Variants in SMURF2 observed in about 807,000 individuals in gnomAD.
The protein encoded by SMURF2 is SMAD specific E3 ubiquitin protein ligase 2, also known as E3 ubiquitin-protein ligase SMURF2.
In SMURF2, 48 loss-of-function variants were observed where a neutral mutation model predicts 109.6. The ratio of observed to expected loss-of-function variants is 0.44; its 90% CI spans 0.35 to 0.56. The LOEUF is 0.56. SMURF2 is among the 20% of genes least tolerant of loss of function. SMURF2 has a pLI of 0.01. For synonymous variants in SMURF2, 288 were observed against 317.1 expected (o/e 0.91, Z 0.97); for missense variants, 575 against 909.0 (o/e 0.63, Z 4.72).
Position 64,555,875 on chromosome 17 carries a change from A to G in SMURF2, c.1555T>C (p.Leu519=). ...GGATCTACTAACTCCATGTCATCCA[A>G]GGTAATTGACTTCCCAAGCAATTGC... ...YKQLLGKSIT[L]DDMELVDPDL... The change falls in exon 14 of 19, where the codon TTG becomes CTG. Residue 519 remains leucine, a synonymous_variant. Transcript: ENST00000262435. 6.2e-7 allele frequency: 1 copy of G among 1,613,718 alleles called. No individual in the cohort carries two copies. The highest frequency in any genetic ancestry group is 1.3e-5 in the African/African-American group (1 of 75,026).
In SMURF2 at chr17:64,543,245, C is replaced by T. The variant is rs1487236474; in HGVS notation, c.*2603G>A. 3 of 150,892 alleles carry T rather than the reference C, an allele frequency of 2.0e-5. No individual in the cohort carries two copies. The allele number at this position is 150,892 out of a possible 1,614,324, so 9.3% of individuals were successfully genotyped here. A position where few individuals can be genotyped will look rare whatever the true frequency, so the allele number is the denominator to read the frequency against. On this transcript the variant is annotated 3_prime_UTR_variant, in exon 19 of 19. Coordinates refer to ENST00000262435, the MANE Select transcript of SMURF2 (RefSeq NM_022739.4). ...ATGTTTTTATATATGTTGGTGATAACATAGACTGTTATGGAGAGTAATTTC... is the reference window on the plus strand; with the variant it reads ...ATGTTTTTATATATGTTGGTGATAATATAGACTGTTATGGAGAGTAATTTC...
At chr17:64,612,610 G>A (rs1434597220) in intron 1 of SMURF2, among the ~76,000 whole-genome samples, 8 of 152,038 alleles carry the variant, frequency 5.3e-5, no homozygotes, top group Non-Finnish European at 1.2e-4. Flanking sequence ...GAAGGCAGAG[G>A]TTGCAGTTAG....
intron 2 of SMURF2, 125 bp from the exon 3 acceptor site, chr17:64,598,615 A>G: frequency 1.5e-6 from 1 of 669,508 alleles, no homozygotes; most frequent in African/African-American, 1.9e-5. Context: ...TTTAGCTATA[A>G]ATGAATAGTC....
chr17:64,582,150 G>A (rs1303987779), intron 7 of SMURF2, among the ~76,000 whole-genome samples: 1 of 152,064 alleles, frequency 6.6e-6, no homozygotes, highest in Non-Finnish European at 1.5e-5. Flanking sequence ...AAATTCCTTG[G>A]CAGTTTAATA....
chr17:64,566,565 T>TTTTTG (rs1969309378), intron 10 of SMURF2, among the ~76,000 whole-genome samples: 1 of 47,814 alleles, frequency 2.1e-5, no homozygotes, highest in African/African-American at 8.1e-5. Context: ...TTTCTGGTTT[T>TTTTTG]TTTTTTTTTT....
At chr17:64,602,996 C>T (rs1555688727) in intron 2 of SMURF2, among the ~76,000 whole-genome samples, 1 of 151,694 alleles carries the variant, frequency 6.6e-6, no homozygotes, top group East Asian at 1.9e-4. Context: ...ATAGCTAAAG[C>T]TCAAAAACCT....
chr17:64,568,916 C>T (rs1485595779), intron 10 of SMURF2, among the ~76,000 whole-genome samples: 2 of 151,772 alleles, frequency 1.3e-5, no homozygotes, highest in African/African-American at 4.8e-5. Context: ...GCAGGAGAAT[C>T]GCTTGAACCC....
intron 1 of SMURF2, among the ~76,000 whole-genome samples, chr17:64,609,691 A>T (rs1436557105): frequency 7.8e-6 from 1 of 128,442 alleles, no homozygotes; most frequent in Non-Finnish European, 1.5e-5. Flanking sequence ...CCTAGGCAAT[A>T]CCATTCAGGA....
chr17:64,654,316 G>C (rs1023779486), intron 1 of SMURF2, among the ~76,000 whole-genome samples: 5 of 152,092 alleles, frequency 3.3e-5, no homozygotes, highest in African/African-American at 1.2e-4. Context: ...ATCAAATGTG[G>C]TTTTAAAAAA....
At chr17:64,628,699 A>C (rs1460338958) in intron 1 of SMURF2, among the ~76,000 whole-genome samples, 1 of 152,184 alleles carries the variant, frequency 6.6e-6, no homozygotes, top group African/African-American at 2.4e-5. Flanking sequence ...CAATAACTCA[A>C]AATTAACTTC....
At chr17:64,557,216 T>G (rs970220118) in intron 13 of SMURF2, among the ~76,000 whole-genome samples, 14 of 152,210 alleles carry the variant, frequency 9.2e-5, no homozygotes, top group Admixed American at 9.2e-4. Context: ...TTATTAGCAA[T>G]GACAAAACTG....
At chr17:64,648,353 C>A (rs1226476532) in intron 1 of SMURF2, among the ~76,000 whole-genome samples, 2 of 152,094 alleles carry the variant, frequency 1.3e-5, no homozygotes, top group Non-Finnish European at 2.9e-5. Context: ...AGTCCTATAT[C>A]TTTATAACTT....
In SMURF2 at chr17:64,562,848, A is replaced by C. The variant is rs1489247832; in HGVS notation, c.1135T>G (p.Leu379Val). The part of the protein sequence containing the change: ...KRDLVQKLKI[L>V]RQELSQQQPQ... ...TGTTGTTGGGAAAGTTCTTGCCGCAAAATTTTTAGTTTCTGAACCAGGTCT... is the reference window on the plus strand; with the variant it reads ...TGTTGTTGGGAAAGTTCTTGCCGCACAATTTTTAGTTTCTGAACCAGGTCT... Residue 379 changes from leucine (L) to valine (V), a missense_variant, in exon 11 of 19, where the codon TTG becomes GTG. Leu to Val is a conservative substitution (Grantham distance 32). This residue lies in a region of SMURF2 where 361 missense variants were observed against 612.1 expected (regional missense o/e 0.59). Coordinates refer to ENST00000262435, the MANE Select transcript of SMURF2 (RefSeq NM_022739.4). 6.2e-7 allele frequency: 1 copy of C among 1,614,002 alleles called. No homozygotes were observed. The highest frequency in any genetic ancestry group is 8.5e-7 in the Non-Finnish European group (1 of 1,180,024).
At chr17:64,628,192 A>T (rs1555691314) in intron 1 of SMURF2, among the ~76,000 whole-genome samples, 1 of 152,082 alleles carries the variant, frequency 6.6e-6, no homozygotes, top group African/African-American at 2.4e-5. Flanking sequence ...AGACATGGAG[A>T]GGAAATTTGG....
intron 1 of SMURF2, among the ~76,000 whole-genome samples, chr17:64,620,387 T>G (rs782422463): frequency 2.6e-5 from 4 of 152,212 alleles, no homozygotes; most frequent in Non-Finnish European, 4.4e-5. Flanking sequence ...GCATTGTGAA[T>G]TCAGGCTCCA....
chr17:64,600,786 T>C lies in SMURF2; in HGVS notation c.92-2296A>G, dbSNP rs1969883711. Among the ~76,000 whole-genome samples, 3 of 152,206 alleles carry C rather than the reference T, an allele frequency of 2.0e-5. No individual in the cohort carries two copies. In the South Asian group the frequency reaches 6.2e-4, roughly 31 times the overall value. ...ATTTCCTCCTGGGAAGAATTCACTC[T>C]ATCTTGTTATTTTCACTCTACTATT... On this transcript the variant is annotated intron_variant, in intron 2 of 18. Coordinates refer to ENST00000262435, the MANE Select transcript of SMURF2 (RefSeq NM_022739.4).
At chr17:64,631,330 GAGAGAGAGAGAC>G (rs1555691577) in intron 1 of SMURF2, among the ~76,000 whole-genome samples, 4 of 141,264 alleles carry the variant, frequency 2.8e-5, no homozygotes, top group African/African-American at 8.2e-5. Flanking sequence ...GAGAGAGACA[GAGAGAGAGAGAC>G]AGAGAGATGA....
intron 12 of SMURF2, among the ~76,000 whole-genome samples, chr17:64,560,026 A>C (rs1339892369): frequency 6.6e-6 from 1 of 151,376 alleles, no homozygotes; most frequent in Non-Finnish European, 1.5e-5. Flanking sequence ...TGCTGGGATT[A>C]CAGGTGTGAG....
intron 9 of SMURF2, among the ~76,000 whole-genome samples, chr17:64,575,217 G>A (rs1324348588): frequency 1.3e-5 from 2 of 151,250 alleles, no homozygotes; most frequent in Admixed American, 6.6e-5. Context: ...GCCACGGTGC[G>A]ATCTCGGCTC....
Sources: allele counts gnomAD v4.1 joint callset (sites outside exome capture counted in the v4.1 genomes callset), GRCh38; gene constraint gnomAD v4.1.1; regional missense constraint gnomAD v4.1.1; transcripts MANE v1.5; gene names NCBI Gene and HGNC (gene_info 2026-07-23, HGNC 2026-07-21).